MTRR: variants seen among roughly 807,000 people sequenced by gnomAD.
MTRR encodes 5-methyltetrahydrofolate-homocysteine methyltransferase reductase, also known as methionine synthase reductase.
MTRR carries 63 observed loss-of-function variants against 79.2 expected under a neutral mutation model. The ratio of observed to expected loss-of-function variants is 0.80; its 90% CI spans 0.65 to 0.98. MTRR has a LOEUF of 0.98. Ranked by LOEUF, MTRR falls within the 50% of genes least tolerant of loss-of-function variation. The probability of loss-of-function intolerance (pLI) is 0.00; values close to 1 mark genes in which losing one functional copy is unlikely to be tolerated. For missense variants in MTRR, 895 were observed against 839.6 expected (o/e 1.07, Z -0.82); for synonymous variants, 355 against 313.3 (o/e 1.13, Z -1.41).
At chr5:7,890,658 T>C (rs1478494879) in intron 9 of MTRR, among the ~76,000 whole-genome samples, 2 of 152,192 alleles carry the variant, frequency 1.3e-5, no homozygotes. Context: ...CTTATTTTGA[T>C]GTTTAAAACT....
chr5:7,854,550 C>G (rs113176684), intron 1 of MTRR, among the ~76,000 whole-genome samples: 2 of 152,004 alleles, frequency 1.3e-5, no homozygotes, highest in African/African-American at 2.4e-5. Context: ...GAAAGGCACT[C>G]CTTACATGGT....
Position 7,875,273 on chromosome 5 carries a change from A to G in MTRR, c.299A>G (p.Glu100Gly). Reference sequence around the variant, plus strand: ...GGTTCTCTAGGTCTCGGTGATTCAGAATACACCTACTTTTGCAATGGGGGG... The same window carrying G: ...GGTTCTCTAGGTCTCGGTGATTCAGGATACACCTACTTTTGCAATGGGGGG... ...RYGLLGLGDS[E>G]YTYFCNGGKI... is the part of the protein sequence containing the mutation. Residue 100 changes from glutamate (E) to glycine (G), a missense_variant, in exon 4 of 15, where the codon GAA (glutamate) becomes GGA (glycine). Physicochemically the swap from Glu to Gly is moderately conservative, Grantham distance 98. Transcript: ENST00000440940. 6.2e-7 allele frequency: 1 copy of G among 1,612,550 alleles called. No homozygotes were observed. The highest frequency in any genetic ancestry group is 8.5e-7 in the Non-Finnish European group (1 of 1,178,638).
chr5:7,876,037 A>G (rs1734503302), intron 4 of MTRR, among the ~76,000 whole-genome samples: 1 of 152,222 alleles, frequency 6.6e-6, no homozygotes, highest in Non-Finnish European at 1.5e-5. Context: ...TAGCCAGATA[A>G]CAGCACACAC....
intron 1 of MTRR, among the ~76,000 whole-genome samples, chr5:7,854,552 T>C (rs900603565): frequency 1.3e-5 from 2 of 152,178 alleles, no homozygotes; most frequent in Admixed American, 6.5e-5. Context: ...AAGGCACTCC[T>C]TACATGGTGG....
intron 1 of MTRR, among the ~76,000 whole-genome samples, chr5:7,858,192 A>C (rs2126582510): frequency 1.3e-5 from 2 of 152,314 alleles, no homozygotes; most frequent in Admixed American, 1.3e-4. Flanking sequence ...AGGCAGAAAA[A>C]GACACAGGAC....
intron 2 of MTRR, among the ~76,000 whole-genome samples, chr5:7,871,545 AG>A (rs1748000825): frequency 6.6e-6 from 1 of 152,210 alleles, no homozygotes; most frequent in Non-Finnish European, 1.5e-5. Context: ...AACAGTTGGC[AG>A]GGGCTTTATA....
chr5:7,896,828 A>G (rs922712878), intron 12 of MTRR, 36 bp from the exon 13 acceptor site: 6 of 1,538,622 alleles, frequency 3.9e-6, no homozygotes, highest in East Asian at 2.2e-5. Context: ...CATATTCTTT[A>G]TATCACACAC....
intron 1 of MTRR, among the ~76,000 whole-genome samples, chr5:7,852,255 G>C (rs563455520): frequency 6.6e-6 from 1 of 152,300 alleles, no homozygotes; most frequent in African/African-American, 2.4e-5. Flanking sequence ...GATGCAGGCT[G>C]GTGGCTTAAG....
In MTRR at chr5:7,877,522, AG is replaced by A. The variant is rs1411085624; in HGVS notation, c.402-420del. Among the ~76,000 whole-genome samples the A allele has an allele frequency of 3.9e-3, 552 of 141,376 alleles. 2 individuals are homozygous for A. Among genetic ancestry groups the A allele is most frequent in the African/African-American group, 0.013 (511 of 38,016 alleles). 92.7% of individuals were successfully genotyped at this position (141,376 alleles called of 152,430 possible). On this transcript the variant is annotated intron_variant, in intron 4 of 14. Coordinates refer to ENST00000440940, the MANE Select transcript of MTRR (RefSeq NM_002454.3). Reference sequence around the variant, plus strand: ...GCTAGGCAAAAAAAAAAAAAAAAAAAGGTGCATTTGATGGATGGAATGAGCA... The same window carrying A: ...GCTAGGCAAAAAAAAAAAAAAAAAAAGTGCATTTGATGGATGGAATGAGCA...
chr5:7,893,715 G>A (rs966700174), intron 11 of MTRR: 2 of 152,306 alleles, frequency 1.3e-5, no homozygotes, highest in South Asian at 2.1e-4. Flanking sequence ...GTTGTCTTAG[G>A]AGAAGTTTGG....
Position 7,870,862 on chromosome 5 carries a change from G to T in MTRR, c.68G>T (p.Cys23Phe). ...GCAAAGGCCATCGCAGAAGAAATAT[G>T]TGAGCAAGCTGTGGTACATGGATTT... ...GQAKAIAEEI[C>F]EQAVVHGFSA... Residue 23 changes from cysteine (C) to phenylalanine (F), a missense_variant, in exon 2 of 15, where the codon TGT becomes TTT. Coordinates refer to ENST00000440940, the MANE Select transcript of MTRR (RefSeq NM_002454.3). 6.2e-7 allele frequency: 1 copy of T among 1,614,210 alleles called. No individual in the cohort carries two copies. Among genetic ancestry groups the T allele is most frequent in the Non-Finnish European group, 8.5e-7 (1 of 1,180,034 alleles).
chr5:7,870,937 C>T lies in MTRR; in HGVS notation c.129+14C>T. 1 of 1,614,120 alleles carries T rather than the reference C, an allele frequency of 6.2e-7. No homozygotes were observed. Among genetic ancestry groups the T allele is most frequent in the South Asian group, 1.1e-5 (1 of 91,076 alleles). The stretch of plus-strand genomic sequence containing the variant: ...GAATCCGATAAGGTTAGAGCCGTTA[C>T]AGTGGATTTTACCGTTTTGTGCTTT... On this transcript the variant is annotated intron_variant, in intron 2 of 14. Coordinates refer to ENST00000440940, the MANE Select transcript of MTRR (RefSeq NM_002454.3).
At chr5:7,856,507 G>A (rs1746251219) in intron 1 of MTRR, among the ~76,000 whole-genome samples, 2 of 152,086 alleles carry the variant, frequency 1.3e-5, no homozygotes, top group Non-Finnish European at 2.9e-5. Context: ...AGGAACACAC[G>A]TGTACCAATA....
chr5:7,872,697 G>A (rs1028600199), intron 2 of MTRR, among the ~76,000 whole-genome samples: 4 of 152,292 alleles, frequency 2.6e-5, no homozygotes, highest in Admixed American at 6.5e-5. Context: ...CAGAGCTGTT[G>A]TGTTTTTATT....
At chr5:7,869,125 G>A (rs562675453), upstream of MTRR, 27 of 1,613,514 alleles carry the variant, frequency 1.7e-5, no homozygotes, top group Admixed American at 2.2e-4. Flanking sequence ...TTGGTCCTGG[G>A]TACCGAGCAT....
At chr5:7,875,900 A>G (rs1482955886) in intron 4 of MTRR, among the ~76,000 whole-genome samples, 1 of 152,094 alleles carries the variant, frequency 6.6e-6, no homozygotes, top group Non-Finnish European at 1.5e-5. Flanking sequence ...TTATCTTTTC[A>G]TTACTTTTAT....
intron 8 of MTRR, 88 bp from the exon 9 acceptor site, chr5:7,889,003 TTGGG>T (rs1207827020): frequency 6.9e-7 from 1 of 1,452,098 alleles, no homozygotes; most frequent in East Asian, 2.3e-5. Context: ...TCTTGGGTAA[TTGGG>T]TGCATCCCTA....
rs976731910 is a variant in MTRR at position 7,889,242 on chromosome 5, C to T, written c.1294C>T (p.Pro432Ser). 3 of 1,612,946 alleles carry T rather than the reference C, an allele frequency of 1.9e-6. No individual in the cohort carries two copies. Among genetic ancestry groups the T allele is most frequent in the Admixed American group, 1.7e-5 (1 of 59,992 alleles). ...CTTGTTGGATCTCCTCCTCGCTTTC[C>T]CTTCTTGCCAGCCACCACTCAGTCT... The part of the protein sequence containing the change: ...ACLLDLLLAF[P>S]SCQPPLSLLL... Residue 432 changes from proline (P) to serine (S), a missense_variant, in exon 9 of 15, where the codon CCT becomes TCT. Transcript: ENST00000440940.
intron 6 of MTRR, among the ~76,000 whole-genome samples, chr5:7,884,693 ATCCATT>A (rs1269011772): frequency 6.6e-6 from 1 of 152,086 alleles, no homozygotes; most frequent in Non-Finnish European, 1.5e-5. Context: ...CCCTGCTGGA[ATCCATT>A]GACCTTAGGT....
Sources: gnomAD v4.1 joint callset for allele counts (sites outside exome capture counted in the v4.1 genomes callset) on GRCh38, gnomAD v4.1.1 for gene constraint, MANE v1.5 for transcripts, NCBI Gene and HGNC (gene_info 2026-07-23, HGNC 2026-07-21) for gene names.